PLSCR2: variants seen among roughly 807,000 people sequenced by gnomAD.
PLSCR2 encodes the protein phospholipid scramblase 2, also known as PL scramblase 2.
A neutral mutation model predicts 25.3 loss-of-function variants in PLSCR2; 18 were observed. The ratio of observed to expected loss-of-function variants is 0.71; its 90% CI spans 0.49 to 1.06. PLSCR2 has a LOEUF of 1.06. Among genes scored for constraint, PLSCR2 ranks in the 50% least tolerant of loss-of-function variants. PLSCR2 has a pLI of 0.00. For synonymous variants in PLSCR2, 88 were observed against 87.3 expected, an observed-to-expected ratio of 1.01 and a Z score of -0.04; for missense variants, 243 against 269.5, an observed-to-expected ratio of 0.90 and a Z score of 0.69.
chr3:146,426,112 G>A (rs1250753836), intron 2 of PLSCR2, among the ~76,000 whole-genome samples: 2 of 151,760 alleles, frequency 1.3e-5, no homozygotes, highest in East Asian at 1.9e-4. Context: ...TAGCTTTTCT[G>A]CAAACAAAGG....
downstream of PLSCR2, among the ~76,000 whole-genome samples, chr3:146,429,499 A>C (rs936279234): frequency 7.9e-5 from 12 of 152,242 alleles, no homozygotes; most frequent in Non-Finnish European, 1.3e-4. Context: ...GTTGAACTTA[A>C]GAGTGATGAC....
At chr3:146,411,103 C>T (rs2038832917) in intron 2 of PLSCR2, among the ~76,000 whole-genome samples, 1 of 151,874 alleles carries the variant, frequency 6.6e-6, no homozygotes, top group Admixed American at 6.6e-5. Context: ...CGGAGATTCT[C>T]CAAGAAACCT....
At chr3:146,392,780 G>T (rs974733934) in intron 3 of PLSCR2, among the ~76,000 whole-genome samples, 7 of 149,574 alleles carry the variant, frequency 4.7e-5, no homozygotes, top group Non-Finnish European at 1.0e-4. Context: ...TACAAGTATG[G>T]GTACTCTTTG....
chr3:146,449,016 G>C (rs751030869), intron 6 of PLSCR2, among the ~76,000 whole-genome samples, 190 bp downstream of exon 6: 1 of 152,148 alleles, frequency 6.6e-6, no homozygotes, highest in Non-Finnish European at 1.5e-5. Flanking sequence ...AGACTCTTCA[G>C]ACATAAACTA....
At chr3:146,460,548 T>A (rs568559209), upstream of PLSCR2, among the ~76,000 whole-genome samples, 29 of 151,902 alleles carry the variant, frequency 1.9e-4, no homozygotes, top group East Asian at 4.5e-3. Context: ...AAATGACATA[T>A]CCTATATGTA....
At chr3:146,405,642 A>T (rs2038639451) in intron 2 of PLSCR2, among the ~76,000 whole-genome samples, 1 of 152,208 alleles carries the variant, frequency 6.6e-6, no homozygotes, top group African/African-American at 2.4e-5. Context: ...CTTAAGATAC[A>T]TAAGTTTGAC....
intron 1 of PLSCR2, chr3:146,469,257 C>G (rs1380643598): frequency 1.0e-6 from 1 of 985,622 alleles, no homozygotes; most frequent in Non-Finnish European, 1.2e-6. Context: ...CCCCGCAAGG[C>G]GTTTTCAGGC....
Position 146,470,127 on chromosome 3 carries a change from G to A in PLSCR2, c.-292-9843C>T, listed in dbSNP as rs545475467. ...TCTTTCCAACAAAAGGCATTTTTAA[G>A]TTAAGAGTGAAAATGATGAGGCGTG... On this transcript the variant is annotated intron_variant, in intron 1 of 8. Transcript: ENST00000336685. Among the ~76,000 whole-genome samples the A allele has an allele frequency of 2.0e-5, 3 of 152,230 alleles. No homozygotes were observed. In the East Asian group the frequency reaches 5.8e-4, roughly 29 times the overall value.
chr3:146,454,524 C>G (rs1408944292), intron 4 of PLSCR2, among the ~76,000 whole-genome samples: 1 of 152,152 alleles, frequency 6.6e-6, no homozygotes, highest in East Asian at 1.9e-4. Flanking sequence ...ATGATGTTCT[C>G]ACAGCAATCT....
At chr3:146,483,509 A>ATATACATGTGTATATAT (rs1553791539) in intron 1 of PLSCR2, among the ~76,000 whole-genome samples, 2 of 127,068 alleles carry the variant, frequency 1.6e-5, no homozygotes, top group Non-Finnish European at 1.7e-5. Context: ...ATATATATAT[A>ATATACATGTGTATATAT]ATGTTACTAC....
Position 146,481,520 on chromosome 3 carries a change from A to G in PLSCR2, c.-293+14375T>C, listed in dbSNP as rs113457619. 5.4e-3 allele frequency among the ~76,000 whole-genome samples: 816 copies of G among 152,314 alleles called. 6 individuals carry two copies. Among genetic ancestry groups the G allele is most frequent in the African/African-American group, 0.019 (795 of 41,562 alleles). On this transcript the variant is annotated intron_variant, in intron 1 of 8. Coordinates refer to the PLSCR2 transcript ENST00000336685. ...TAAAATACCTGGGAATTGAACTTAC[A>G]AAGGATGTGAAGGACCTCTTCAAGG...
intron 6 of PLSCR2, among the ~76,000 whole-genome samples, chr3:146,446,813 C>A (rs2108287488): frequency 6.6e-6 from 1 of 152,142 alleles, no homozygotes; most frequent in South Asian, 2.1e-4. Flanking sequence ...GAGTTGGGAA[C>A]CTTAGGAATC....
intron 6 of PLSCR2, among the ~76,000 whole-genome samples, chr3:146,442,275 C>T (rs902657436): frequency 2.6e-5 from 4 of 151,898 alleles, no homozygotes; most frequent in Non-Finnish European, 2.9e-5. Flanking sequence ...AAAAGGCAAA[C>T]ATTCTGTATA....
chr3:146,408,232 C>T (rs1403909222), intron 2 of PLSCR2, among the ~76,000 whole-genome samples: 1 of 152,150 alleles, frequency 6.6e-6, no homozygotes, highest in African/African-American at 2.4e-5. Context: ...ATAAATAGGC[C>T]ACTGGGCAAC....
intron 3 of PLSCR2, among the ~76,000 whole-genome samples, chr3:146,456,744 C>A (rs965207342): frequency 5.3e-5 from 8 of 151,906 alleles, no homozygotes; most frequent in African/African-American, 1.9e-4. Context: ...GAGTAATCAT[C>A]TTTTTATATG....
intron 2 of PLSCR2, among the ~76,000 whole-genome samples, chr3:146,413,702 G>T (rs1466305004): frequency 6.6e-6 from 1 of 152,106 alleles, no homozygotes; most frequent in African/African-American, 2.4e-5. Context: ...CCAATGCTCT[G>T]ATCACAGTCA....
At position 146,459,991 on chromosome 3, in the gene PLSCR2, G is replaced by A. The variant is rs574913560; in HGVS notation, c.-87C>T. ...GGTGGGACTAGGTAGTCATGCTGACGTCCTGGGTAGAAGGCCTGGGAGCCC... is the reference window on the plus strand; with the variant it reads ...GGTGGGACTAGGTAGTCATGCTGACATCCTGGGTAGAAGGCCTGGGAGCCC... On this transcript the variant is annotated 5_prime_UTR_variant, in exon 2 of 7. It adds an upstream start codon to the 5' untranslated region. Transcript: ENST00000610787. 4.0e-5 allele frequency: 65 copies of A among 1,612,936 alleles called. No homozygotes were observed. The highest frequency in any genetic ancestry group is 3.8e-4 in the South Asian group (35 of 90,972).
chr3:146,441,901 G>A (rs1294303532), intron 6 of PLSCR2, 80 bp from the exon 7 acceptor site: 3 of 848,860 alleles, frequency 3.5e-6, no homozygotes, highest in Admixed American at 4.4e-5. Flanking sequence ...GGGATCTGAT[G>A]AAACACAGTT....
intron 2 of PLSCR2, among the ~76,000 whole-genome samples, chr3:146,408,241 A>G (rs564452413): frequency 6.6e-6 from 1 of 152,064 alleles, no homozygotes; most frequent in East Asian, 1.9e-4. Context: ...CCACTGGGCA[A>G]CTCTAGGGTC....
Sources: gnomAD v4.1 joint callset for allele counts (sites outside exome capture counted in the v4.1 genomes callset) on GRCh38, gnomAD v4.1.1 for gene constraint, MANE v1.5 for transcripts, NCBI Gene and HGNC (gene_info 2026-07-23, HGNC 2026-07-21) for gene names.